POT1: variants seen among roughly 807,000 people sequenced by gnomAD.
POT1 encodes protection of telomeres protein 1.
Under a neutral mutation model 78.5 loss-of-function variants are expected in POT1, and 47 were observed. That is an observed-to-expected ratio of 0.60 (90% CI 0.47 to 0.76). POT1 has a LOEUF of 0.76. Ranked by LOEUF, POT1 falls within the 30% of genes least tolerant of loss-of-function variation. The probability of loss-of-function intolerance (pLI) is 0.00; values close to 1 mark genes in which losing one functional copy is unlikely to be tolerated. For missense variants in POT1, 646 were observed against 749.9 expected, an observed-to-expected ratio of 0.86 and a Z score of 1.62; for synonymous variants, 259 against 260.7, an observed-to-expected ratio of 0.99 and a Z score of 0.06.
chr7:124,853,640 C>T (rs547132254), intron 9 of POT1: 2 of 152,278 alleles, frequency 1.3e-5, no homozygotes, highest in Admixed American at 6.5e-5. Context: ...TAATAAACAT[C>T]TTCCATCTTA....
At chr7:124,890,038 C>A (rs758550964) in intron 6 of POT1, among the ~76,000 whole-genome samples, 44 of 151,956 alleles carry the variant, frequency 2.9e-4, no homozygotes, top group Middle Eastern at 3.4e-3. Context: ...TTCTGATGGA[C>A]TGCGGCAAAG....
At chr7:124,912,471 T>C (rs948063607) in intron 3 of POT1, among the ~76,000 whole-genome samples, 40 of 152,298 alleles carry the variant, frequency 2.6e-4, no homozygotes, top group African/African-American at 8.9e-4. Flanking sequence ...TTGTCAGTCT[T>C]TTCTTCACCA....
At chr7:124,916,834 T>A (rs535991117) in intron 2 of POT1, among the ~76,000 whole-genome samples, 10 of 152,250 alleles carry the variant, frequency 6.6e-5, no homozygotes, top group Admixed American at 3.9e-4. Flanking sequence ...TGCGCTTCTC[T>A]ACAGACCTGA....
intron 3 of POT1, among the ~76,000 whole-genome samples, chr7:124,905,428 G>C (rs748429374): frequency 6.6e-6 from 1 of 152,042 alleles, no homozygotes; most frequent in Non-Finnish European, 1.5e-5. Flanking sequence ...GGCTAGCCAT[G>C]TGTAGAAAGC....
At chr7:124,826,735 T>C (rs1169645706) in intron 17 of POT1, among the ~76,000 whole-genome samples, 2 of 152,128 alleles carry the variant, frequency 1.3e-5, no homozygotes, top group South Asian at 4.1e-4. Flanking sequence ...CTGGGCGTGG[T>C]GGTGCATACC....
chr7:124,890,335 T>C (rs1206204456), intron 6 of POT1, among the ~76,000 whole-genome samples: 1 of 151,912 alleles, frequency 6.6e-6, no homozygotes, highest in African/African-American at 2.4e-5. Flanking sequence ...TGAGGAAAGA[T>C]AGTTTCTTAA....
intron 16 of POT1, chr7:124,828,801 T>C: frequency 4.5e-6 from 2 of 445,738 alleles, no homozygotes; most frequent in Non-Finnish European, 9.0e-6. Context: ...AAACATGAGA[T>C]GGCTGTATCA....
intron 11 of POT1, among the ~76,000 whole-genome samples, 197 bp from the exon 12 acceptor site, chr7:124,847,195 C>T (rs1001782527): frequency 6.6e-6 from 1 of 152,166 alleles, no homozygotes; most frequent in Non-Finnish European, 1.5e-5. Flanking sequence ...CATAATCCTT[C>T]GAAAATAGCA....
intron 15 of POT1, among the ~76,000 whole-genome samples, chr7:124,829,715 T>C (rs1439643321): frequency 6.6e-6 from 1 of 151,672 alleles, no homozygotes. Context: ...TATCTATATC[T>C]ATATCTATAT....
At chr7:124,866,022 ACT>A (rs1364284350) in intron 7 of POT1, among the ~76,000 whole-genome samples, 7 of 151,544 alleles carry the variant, frequency 4.6e-5, no homozygotes, top group East Asian at 1.9e-4. Flanking sequence ...TACTGTAAAG[ACT>A]CTGAATTATG....
chr7:124,834,508 G>A (rs1337311334), intron 15 of POT1, among the ~76,000 whole-genome samples: 1 of 152,122 alleles, frequency 6.6e-6, no homozygotes, highest in Admixed American at 6.5e-5. Context: ...CAATGTCACT[G>A]ATCATTAGAG....
intron 3 of POT1, among the ~76,000 whole-genome samples, chr7:124,914,955 A>G (rs1796982468): frequency 6.6e-6 from 1 of 152,066 alleles, no homozygotes; most frequent in East Asian, 1.9e-4. Flanking sequence ...ATTTCTCATA[A>G]CTCCCCTATG....
chr7:124,862,743 T>C (rs1795627802), intron 8 of POT1, among the ~76,000 whole-genome samples: 2 of 152,204 alleles, frequency 1.3e-5, no homozygotes, highest in Admixed American at 1.3e-4. Context: ...TGTTCAAATG[T>C]ATCCTCCATA....
At chr7:124,871,288 T>C (rs1795861775) in intron 6 of POT1, among the ~76,000 whole-genome samples, 1 of 152,054 alleles carries the variant, frequency 6.6e-6, no homozygotes, top group Non-Finnish European at 1.5e-5. Context: ...CAGTGTAAAT[T>C]GTCTGGAGAG....
intron 12 of POT1, among the ~76,000 whole-genome samples, chr7:124,845,146 A>G (rs1269814235): frequency 6.6e-6 from 1 of 152,204 alleles, no homozygotes; most frequent in Non-Finnish European, 1.5e-5. Context: ...ATTTATTACT[A>G]TAATCGAATT....
chr7:124,830,718 C>A (rs1407524539), intron 15 of POT1, among the ~76,000 whole-genome samples: 1 of 151,938 alleles, frequency 6.6e-6, no homozygotes, highest in Non-Finnish European at 1.5e-5. Flanking sequence ...TAGCCATAAG[C>A]TTTTATTTAT....
chr7:124,869,738 C>T (rs948045935), intron 7 of POT1, among the ~76,000 whole-genome samples: 4 of 152,072 alleles, frequency 2.6e-5, no homozygotes, highest in Admixed American at 6.6e-5. Flanking sequence ...ATTACCACCA[C>T]GCCCGGCTGA....
chr7:124,929,559 C>T (rs533929961), intron 1 of POT1: 2 of 152,326 alleles, frequency 1.3e-5, no homozygotes, highest in Middle Eastern at 3.4e-3. Context: ...GCGCACCAAC[C>T]TTCCCCCAAG....
intron 2 of POT1, among the ~76,000 whole-genome samples, chr7:124,920,787 T>C (rs1445561042): frequency 6.6e-6 from 1 of 152,076 alleles, no homozygotes. Context: ...GCTAAAAGAA[T>C]TCATTAATAA....
Sources: allele counts gnomAD v4.1 joint callset (sites outside exome capture counted in the v4.1 genomes callset), GRCh38; gene constraint gnomAD v4.1.1; transcripts MANE v1.5; gene names NCBI Gene and HGNC (gene_info 2026-07-23, HGNC 2026-07-21).